Variants in CYFIP1 observed in about 807,000 individuals in gnomAD.
CYFIP1 encodes cytoplasmic FMR1 interacting protein 1.
Under a neutral mutation model 163.5 loss-of-function variants are expected in CYFIP1, and 58 were observed. The observed-to-expected ratio is 0.35, with a 90% CI of 0.29 to 0.44. The LOEUF (loss-of-function observed/expected upper bound fraction) is 0.44, where lower values mean the gene tolerates loss of function less well. Among genes scored for constraint, CYFIP1 ranks in the 20% least tolerant of loss-of-function variants. The pLI, the probability that CYFIP1 is intolerant of heterozygous loss-of-function variation, is 1.00. For missense variants in CYFIP1, 1,338 were observed against 1,653.8 expected (o/e 0.81, Z 3.31); for synonymous variants, 663 against 660.7 (o/e 1.00, Z -0.05).
chr15:22,922,573 C>T (rs1026229571), intron 13 of CYFIP1, among the ~76,000 whole-genome samples: 2 of 152,172 alleles, frequency 1.3e-5, no homozygotes, highest in Non-Finnish European at 2.9e-5. Flanking sequence ...TCCTCCCAGC[C>T]AGTCAGGGGG....
chr15:22,927,437 C>T (rs1309794608), intron 12 of CYFIP1, among the ~76,000 whole-genome samples: 10 of 145,866 alleles, frequency 6.9e-5, no homozygotes, highest in African/African-American at 1.0e-4. Context: ...GAGCCGAGAT[C>T]ACGCCATTGC....
In CYFIP1 at chr15:22,928,046, G is replaced by C; in HGVS notation, c.1111-18C>G. 4.0e-6 allele frequency: 6 copies of C among 1,493,862 alleles called. No homozygotes were observed. The highest frequency in any genetic ancestry group is 5.3e-6 in the Non-Finnish European group (6 of 1,126,516). The allele number at this position is 1,493,862 out of a possible 1,614,324, so 92.5% of individuals were successfully genotyped here. On this transcript the variant is annotated intron_variant, in intron 11 of 30. Transcript: ENST00000617928. ...GTGACCACCTGCACAAGGCGGGCAC[G>C]GCCCCGTGAGAAACCAGCGCCCCCA...
intron 21 of CYFIP1, among the ~76,000 whole-genome samples, chr15:22,907,452 T>G (rs1454034001): frequency 1.3e-5 from 2 of 152,196 alleles, no homozygotes; most frequent in Non-Finnish European, 2.9e-5. Flanking sequence ...GGAAAAGCCC[T>G]AGGCCGACCA....
chr15:22,952,446 G>C (rs1415941803), intron 1 of CYFIP1, among the ~76,000 whole-genome samples: 1 of 151,924 alleles, frequency 6.6e-6, no homozygotes, highest in East Asian at 1.9e-4. Flanking sequence ...ACGAGGTCAG[G>C]AGTTCGAGAC....
At position 22,943,157 on chromosome 15, in the gene CYFIP1, C is replaced by T. The variant is rs764783385; in HGVS notation, c.569+16G>A. On this transcript the variant is annotated intron_variant, in intron 6 of 30. Transcript: ENST00000617928. The stretch of plus-strand genomic sequence containing the variant: ...TGCTCTCGGGAGGGCCCGCAGTGCG[C>T]GAGGTGGGTGCTCACCTCTTGTACG... 8.7e-6 allele frequency: 14 copies of T among 1,612,234 alleles called. No individual in the cohort carries two copies. The highest frequency in any genetic ancestry group is 8.5e-6 in the Non-Finnish European group (10 of 1,178,842).
chr15:22,934,186 T>TC (rs2061632528), intron 9 of CYFIP1, among the ~76,000 whole-genome samples: 2 of 124,354 alleles, frequency 1.6e-5, no homozygotes, highest in South Asian at 3.0e-4. Flanking sequence ...TCTTTTTTTT[T>TC]TTTTTTTTTT....
At position 22,917,954 on chromosome 15, in the gene CYFIP1, G is replaced by C. The variant is rs200197142; in HGVS notation, c.1527-19C>G. 1.1e-5 allele frequency: 18 copies of C among 1,608,532 alleles called. 1 individual carries two copies. Among genetic ancestry groups the C allele is most frequent in the Non-Finnish European group, 1.5e-5 (18 of 1,177,600 alleles). On this transcript the variant is annotated intron_variant, in intron 14 of 30. Coordinates refer to ENST00000617928, the MANE Select transcript of CYFIP1 (RefSeq NM_014608.6). This position sits in a 1 kb window ranked among gnomAD's most constrained non-coding sequence, Gnocchi z 4.2. ...CAGGACACTGAACACCCCACCAAGT[G>C]ATCAGCAAGGCCCAGAGGCCGAGAC...
chr15:22,948,130 G>T, intron 1 of CYFIP1: 1 of 286,700 alleles, frequency 3.5e-6, no homozygotes, highest in Non-Finnish European at 5.2e-6. Flanking sequence ...GTGCACAGTG[G>T]AACGGGTAGT....
intron 1 of CYFIP1, among the ~76,000 whole-genome samples, chr15:22,965,990 G>A (rs1348288590): frequency 2.6e-5 from 4 of 152,278 alleles, no homozygotes; most frequent in Middle Eastern, 6.8e-3. Flanking sequence ...TCTTTACAGA[G>A]ATAATTAAGT....
chr15:22,870,328 G>A (rs1257927509), intron 30 of CYFIP1, 136 bp from the exon 31 acceptor site: 19 of 1,018,390 alleles, frequency 1.9e-5, no homozygotes, highest in Non-Finnish European at 2.3e-5. Flanking sequence ...GTTCTTTTTG[G>A]GTTTTTTTTT....
At chr15:22,935,212 C>T (rs1421555276) in intron 9 of CYFIP1, among the ~76,000 whole-genome samples, 1 of 152,170 alleles carries the variant, frequency 6.6e-6, no homozygotes, top group African/African-American at 2.4e-5. Flanking sequence ...TGTTAGAAAG[C>T]TCCAACAATT....
intron 1 of CYFIP1, among the ~76,000 whole-genome samples, chr15:22,965,177 G>A (rs927397866): frequency 6.6e-6 from 1 of 152,132 alleles, no homozygotes; most frequent in African/African-American, 2.4e-5. Flanking sequence ...CTAAATTACT[G>A]TCTGGGTGTG....
intron 1 of CYFIP1, among the ~76,000 whole-genome samples, chr15:22,975,365 G>A (rs1401830502): frequency 6.7e-6 from 1 of 149,502 alleles, no homozygotes. Context: ...AGCTACTCAG[G>A]AGGCCGAGGC....
chr15:22,883,015 GA>G lies in CYFIP1; in HGVS notation c.2677-5del, dbSNP rs751548383. On this transcript the variant is annotated splice_region_variant and splice_polypyrimidine_tract_variant and intron_variant, in intron 23 of 30. Transcript: ENST00000617928. The stretch of plus-strand genomic sequence containing the variant: ...TGGAGTAGGCCAAGTTCAAAGCCTG[GA>G]AAACAGGGCACAGAGCTCTCAGCAT... 2.2e-5 allele frequency: 35 copies of G among 1,613,172 alleles called. No homozygotes were observed. Among genetic ancestry groups the G allele is most frequent in the Admixed American group, 3.3e-5 (2 of 59,970 alleles).
chr15:22,957,765 A>G (rs564566486), intron 1 of CYFIP1, among the ~76,000 whole-genome samples: 5 of 152,346 alleles, frequency 3.3e-5, no homozygotes, highest in East Asian at 1.9e-4. Context: ...TTCCTCTTCT[A>G]TATGCAAAAT....
Position 22,912,292 on chromosome 15 carries a change from C to T in CYFIP1, c.1986-17G>A. 6.3e-7 allele frequency: 1 copy of T among 1,584,626 alleles called. No homozygotes were observed. The highest frequency in any genetic ancestry group is 8.6e-7 in the Non-Finnish European group (1 of 1,162,362). On this transcript the variant is annotated splice_polypyrimidine_tract_variant and intron_variant, in intron 17 of 30. Transcript: ENST00000617928. ...AGCACGTACCTGCAGAGGACAGCAG[C>T]AGTGTGACCAGCAGCCTCTGCCACT...
At chr15:22,913,670 A>G (rs1246377457) in intron 17 of CYFIP1, among the ~76,000 whole-genome samples, 1 of 149,614 alleles carries the variant, frequency 6.7e-6, no homozygotes, top group East Asian at 2.0e-4. Context: ...CACCAGGAGC[A>G]TGTCCAGCAT....
intron 26 of CYFIP1, among the ~76,000 whole-genome samples, chr15:22,879,298 C>T (rs1364924207): frequency 6.6e-6 from 1 of 152,140 alleles, no homozygotes; most frequent in Non-Finnish European, 1.5e-5. Context: ...CTGGCTTTCC[C>T]AGCCCAGGAG....
chr15:22,907,306 CAT>C (rs1254104283), intron 21 of CYFIP1, among the ~76,000 whole-genome samples: 13 of 152,214 alleles, frequency 8.5e-5, no homozygotes, highest in Admixed American at 7.2e-4. Context: ...CAGCACAACT[CAT>C]GTGTACTCAA....
Sources: allele counts gnomAD v4.1 joint callset (sites outside exome capture counted in the v4.1 genomes callset), GRCh38; gene constraint gnomAD v4.1.1; non-coding constraint Gnocchi (gnomAD v3.1); transcripts MANE v1.5; gene names NCBI Gene and HGNC (gene_info 2026-07-23, HGNC 2026-07-21).